The following FOXK1 variants were observed in gnomAD, a reference collection of about 807,000 sequenced individuals.
FOXK1 encodes forkhead box K1.
FOXK1 carries 19 observed loss-of-function variants against 51.9 expected under a neutral mutation model. That is an observed-to-expected ratio of 0.37 (90% CI 0.26 to 0.54). FOXK1 has a LOEUF of 0.54. Ranked by LOEUF, FOXK1 falls within the 20% of genes least tolerant of loss-of-function variation. FOXK1 has a pLI of 0.87. For synonymous variants in FOXK1, 537 were observed against 482.6 expected (o/e 1.11, Z -1.48); for missense variants, 870 against 1,032.7 (o/e 0.84, Z 2.16).
Position 4,749,982 on chromosome 7 carries a change from C to A in FOXK1, c.747-4477C>A, listed in dbSNP as rs926599558. 6.6e-6 allele frequency among the ~76,000 whole-genome samples: 1 copy of A among 152,214 alleles called. No homozygotes were observed. Among genetic ancestry groups the A allele is most frequent in the African/African-American group, 2.4e-5 (1 of 41,458 alleles). On this transcript the variant is annotated intron_variant, in intron 2 of 8. Coordinates refer to ENST00000328914, the MANE Select transcript of FOXK1 (RefSeq NM_001037165.2). This position sits in a 1 kb window ranked among gnomAD's most constrained non-coding sequence, Gnocchi z 6.0. The stretch of plus-strand genomic sequence containing the variant: ...CCAGTGGCACCTTCTAGGCCCGGCC[C>A]CTGGATGCGGTGGAGGCTGCCCGGG...
At chr7:4,719,323 A>C (rs1780279756) in intron 1 of FOXK1, among the ~76,000 whole-genome samples, 1 of 151,866 alleles carries the variant, frequency 6.6e-6, no homozygotes, top group Non-Finnish European at 1.5e-5. Flanking sequence ...GATTCTTTTA[A>C]TAGAGATGAG....
chr7:4,739,035 A>G (rs1479202407), intron 1 of FOXK1, among the ~76,000 whole-genome samples: 1 of 152,120 alleles, frequency 6.6e-6, no homozygotes, highest in Non-Finnish European at 1.5e-5. Context: ...TCTTTCAAAA[A>G]CGCTTTGACG....
In FOXK1 at chr7:4,756,910, T is replaced by A. The variant is rs1018943729; in HGVS notation, c.1051-84T>A. 2 of 1,465,718 alleles carry A rather than the reference T, an allele frequency of 1.4e-6. No individual in the cohort carries two copies. Among genetic ancestry groups the A allele is most frequent in the Non-Finnish European group, 1.9e-6 (2 of 1,072,986 alleles). The allele number at this position is 1,465,718 out of a possible 1,614,324, so 90.8% of individuals were successfully genotyped here. On this transcript the variant is annotated intron_variant, in intron 4 of 8. Coordinates refer to ENST00000328914, the MANE Select transcript of FOXK1 (RefSeq NM_001037165.2). This position sits in a 1 kb window ranked among gnomAD's most constrained non-coding sequence, Gnocchi z 4.1. ...GAGGGACGGCCTCCCCTCACCCTGG[T>A]CCCGCATCTGCTGCAGATTTGAGGT...
At chr7:4,719,257 C>T (rs1204042930) in intron 1 of FOXK1, among the ~76,000 whole-genome samples, 1 of 152,166 alleles carries the variant, frequency 6.6e-6, no homozygotes, top group African/African-American at 2.4e-5. Flanking sequence ...GACTCAGCCT[C>T]CCGAGTAGCT....
intron 2 of FOXK1, among the ~76,000 whole-genome samples, chr7:4,750,734 C>G (rs1780764604): frequency 6.6e-6 from 1 of 151,236 alleles, no homozygotes; most frequent in African/African-American, 2.4e-5. Flanking sequence ...GACAGAGTTT[C>G]ACTCTTGTTG....
At chr7:4,684,580 C>G (rs960259127) in intron 1 of FOXK1, among the ~76,000 whole-genome samples, 7 of 152,142 alleles carry the variant, frequency 4.6e-5, no homozygotes, top group African/African-American at 1.2e-4. Context: ...TCTTCCATAA[C>G]CAATACACTC....
Position 4,740,919 on chromosome 7 carries a change from G to T in FOXK1, c.642G>T (p.Pro214=), listed in dbSNP as rs113079132. The T allele has an allele frequency of 1.0e-4, 164 of 1,585,824 alleles. No homozygotes were observed. In the African/African-American group the frequency reaches 1.8e-3, roughly 18 times the overall value. Residue 214 remains proline (P), a synonymous_variant, in exon 2 of 9, where the codon CCG becomes CCT. Coordinates refer to ENST00000328914, the MANE Select transcript of FOXK1 (RefSeq NM_001037165.2). ...LYHKEEAPAS[P]LRPLYPQISP... is the part of the protein sequence containing the mutation. The stretch of plus-strand genomic sequence containing the variant: ...ACAAAGAAGAGGCCCCAGCCTCCCC[G>T]CTGCGGCCACTGTACCCCCAGATCT...
Position 4,766,329 on chromosome 7 carries a change from C to T in FOXK1, c.*3865C>T, listed in dbSNP as rs1339880907. On this transcript the variant is annotated 3_prime_UTR_variant, in exon 9 of 9. Coordinates refer to ENST00000328914, the MANE Select transcript of FOXK1 (RefSeq NM_001037165.2). The surrounding 1 kb of genome is among the most constrained non-coding windows in gnomAD (Gnocchi z 5.5). ...AAATGAGACGCTGGTGTGGGGTCCC[C>T]ATGTAGAGACCCTCAGGTCCCTATC... The T allele has an allele frequency of 2.6e-5, 4 of 152,182 alleles. No homozygotes were observed. The highest frequency in any genetic ancestry group is 9.7e-5 in the African/African-American group (4 of 41,420). 9.4% of individuals were successfully genotyped at this position (152,182 alleles called of 1,614,324 possible). A position where few individuals can be genotyped will look rare whatever the true frequency, so the allele number is the denominator to read the frequency against.
At chr7:4,706,595 C>T (rs1780105557) in intron 1 of FOXK1, among the ~76,000 whole-genome samples, 1 of 152,222 alleles carries the variant, frequency 6.6e-6, no homozygotes, top group Admixed American at 6.5e-5. Flanking sequence ...AGAATCCTGA[C>T]ACCCACCCCA....
rs186265799 is a variant in FOXK1, at chr7:4,697,544, G to A, written c.560+14676G>A. Among the ~76,000 whole-genome samples, 416 of 152,294 alleles carry A rather than the reference G, an allele frequency of 2.7e-3. 1 individual carries two copies. The highest frequency in any genetic ancestry group is 9.4e-3 in the African/African-American group (392 of 41,556). The stretch of plus-strand genomic sequence containing the variant: ...TCCTTCTGGCCATGCCTGGTGGCCC[G>A]TCTGCACACCCCTGCCTTAGGCCAC... On this transcript the variant is annotated intron_variant, in intron 1 of 8. Coordinates refer to ENST00000328914, the MANE Select transcript of FOXK1 (RefSeq NM_001037165.2).
At chr7:4,706,835 C>T (rs1034980392) in intron 1 of FOXK1, among the ~76,000 whole-genome samples, 9 of 152,108 alleles carry the variant, frequency 5.9e-5, no homozygotes, top group African/African-American at 1.9e-4. Context: ...CTTGGCCGCC[C>T]GGATGCCGAC....
At chr7:4,739,147 C>T (rs1780596298) in intron 1 of FOXK1, among the ~76,000 whole-genome samples, 1 of 152,210 alleles carries the variant, frequency 6.6e-6, no homozygotes, top group Non-Finnish European at 1.5e-5. Flanking sequence ...TTTAAAAACA[C>T]AGTCAGGCAT....
At chr7:4,700,289 G>T (rs1780005058) in intron 1 of FOXK1, among the ~76,000 whole-genome samples, 2 of 152,188 alleles carry the variant, frequency 1.3e-5, no homozygotes, top group Admixed American at 6.5e-5. Flanking sequence ...GTAAATATTT[G>T]TGGGCAAAAT....
intron 2 of FOXK1, among the ~76,000 whole-genome samples, chr7:4,742,629 C>T (rs1410729110): frequency 6.6e-6 from 1 of 152,132 alleles, no homozygotes; most frequent in Non-Finnish European, 1.5e-5. Context: ...GTTGCCCAGG[C>T]TGGTCTGAAA....
At chr7:4,714,015 G>A (rs533506834) in intron 1 of FOXK1, among the ~76,000 whole-genome samples, 5 of 149,830 alleles carry the variant, frequency 3.3e-5, no homozygotes, top group East Asian at 4.0e-4. Flanking sequence ...TAGTAGAGAC[G>A]AGGTTTCACT....
chr7:4,682,966 G>A lies in FOXK1; in HGVS notation c.560+98G>A. The A allele has an allele frequency of 8.0e-7, 1 of 1,251,758 alleles. No homozygotes were observed. The highest frequency in any genetic ancestry group is 1.1e-6 in the Non-Finnish European group (1 of 950,896). The allele number at this position is 1,251,758 out of a possible 1,614,324, so 77.5% of individuals were successfully genotyped here. A position where few individuals can be genotyped will look rare whatever the true frequency, so the allele number is the denominator to read the frequency against. On this transcript the variant is annotated intron_variant, in intron 1 of 8. Coordinates refer to ENST00000328914, the MANE Select transcript of FOXK1 (RefSeq NM_001037165.2). This position sits in a 1 kb window ranked among gnomAD's most constrained non-coding sequence, Gnocchi z 7.6. ...TGGGGATCCCCCTCCAGCTTCCTCG[G>A]CCTCGACCCCCACCCCCCGGCCCAC...
intron 2 of FOXK1, among the ~76,000 whole-genome samples, chr7:4,746,048 A>G (rs1483820312): frequency 6.6e-6 from 1 of 152,234 alleles, no homozygotes; most frequent in Non-Finnish European, 1.5e-5. Context: ...CATTGCACAG[A>G]GTGACTGTTT....
intron 1 of FOXK1, among the ~76,000 whole-genome samples, chr7:4,717,176 G>A (rs1780245862): frequency 6.6e-6 from 1 of 150,856 alleles, no homozygotes. Flanking sequence ...GTGATGGTGG[G>A]AGGTGCATGA....
At chr7:4,713,728 G>T (rs941728578) in intron 1 of FOXK1, among the ~76,000 whole-genome samples, 44 of 152,214 alleles carry the variant, frequency 2.9e-4, no homozygotes, top group African/African-American at 1.0e-3. Flanking sequence ...CTGACCTCGT[G>T]ATCTGCCCGC....
Sources: gnomAD v4.1 joint callset for allele counts (sites outside exome capture counted in the v4.1 genomes callset) on GRCh38, gnomAD v4.1.1 for gene constraint, Gnocchi (gnomAD v3.1) non-coding constraint, MANE v1.5 for transcripts, NCBI Gene and HGNC (gene_info 2026-07-23, HGNC 2026-07-21) for gene names.